Variants in TAS2R1 observed in about 807,000 individuals in gnomAD.
The protein encoded by TAS2R1 is taste receptor type 2 member 1.
For synonymous variants in TAS2R1, 141 were observed against 134.2 expected (o/e 1.05, Z -0.35); for missense variants, 370 against 353.4 (o/e 1.05, Z -0.38).
At chr5:9,878,217 G>A in the TAS2R1 span, among the ~76,000 whole-genome samples, 1 of 152,118 alleles carries the variant, frequency 6.6e-6, no homozygotes, top group African/African-American at 2.4e-5. Flanking sequence ...GGTTCATCTT[G>A]AACACCATCC....
At position 9,710,886 on chromosome 5, in the gene TAS2R1, C is replaced by G. The variant is rs1373884210; in HGVS notation, c.-242+1286G>C. ...TGGTCATTATATATATATGCATACA[C>G]ACACACACACATATATATATAACCA... is the stretch of plus-strand genomic sequence containing the variant. On this transcript the variant is annotated intron_variant, in intron 1 of 2. Coordinates refer to the TAS2R1 transcript ENST00000506620. 6.2e-5 allele frequency among the ~76,000 whole-genome samples: 6 copies of G among 96,328 alleles called. No individual in the cohort carries two copies. The East Asian group carries it at 1.6e-3, about 26-fold the overall frequency. The allele number at this position is 96,328 out of a possible 152,430, so 63.2% of individuals were successfully genotyped here.
At chr5:9,758,029 T>C in the TAS2R1 span, among the ~76,000 whole-genome samples, 1 of 152,148 alleles carries the variant, frequency 6.6e-6, no homozygotes, top group Non-Finnish European at 1.5e-5. Context: ...ATATTAATTA[T>C]GTGAACCTAG....
the TAS2R1 span, among the ~76,000 whole-genome samples, chr5:9,763,995 A>C: frequency 6.6e-6 from 1 of 152,264 alleles, no homozygotes; most frequent in Non-Finnish European, 1.5e-5. Context: ...AAAGGAGAAG[A>C]CACAAAAGAT....
At chr5:9,633,105 A>G (rs1283029662), upstream of TAS2R1, among the ~76,000 whole-genome samples, 1 of 151,680 alleles carries the variant, frequency 6.6e-6, no homozygotes, top group Non-Finnish European at 1.5e-5. Flanking sequence ...ATTGGCGGGC[A>G]TGAAAACAGC....
chr5:9,808,774 G>C, the TAS2R1 span, among the ~76,000 whole-genome samples: 1 of 152,148 alleles, frequency 6.6e-6, no homozygotes, highest in Non-Finnish European at 1.5e-5. Context: ...TTCACCACAG[G>C]CTTATGAGGT....
At chr5:9,742,246 A>G in the TAS2R1 span, among the ~76,000 whole-genome samples, 1 of 152,168 alleles carries the variant, frequency 6.6e-6, no homozygotes, top group African/African-American at 2.4e-5. Context: ...CTAACAGATG[A>G]TTTGCAAAGA....
At chr5:9,845,999 G>C in the TAS2R1 span, among the ~76,000 whole-genome samples, 1 of 152,184 alleles carries the variant, frequency 6.6e-6, no homozygotes, top group Non-Finnish European at 1.5e-5. Context: ...ATATTAGCAT[G>C]AGCTTGAAGG....
chr5:9,796,745 G>GAAAAAA, the TAS2R1 span, among the ~76,000 whole-genome samples: 1 of 107,452 alleles, frequency 9.3e-6, no homozygotes, highest in Non-Finnish European at 2.0e-5. Context: ...AAAAAGAAAA[G>GAAAAAA]AAAAAAAAAA....
At chr5:9,650,582 C>T (rs1161757174) in intron 2 of TAS2R1, among the ~76,000 whole-genome samples, 1 of 152,072 alleles carries the variant, frequency 6.6e-6, no homozygotes, top group African/African-American at 2.4e-5. Context: ...ATATGCTGTC[C>T]GTGAAGTCTG....
intron 1 of TAS2R1, among the ~76,000 whole-genome samples, chr5:9,690,263 T>A (rs772227298): frequency 4.6e-5 from 7 of 152,208 alleles, no homozygotes; most frequent in African/African-American, 1.7e-4. Flanking sequence ...CAAATGACTT[T>A]CCTGAAGATG....
intron 1 of TAS2R1, among the ~76,000 whole-genome samples, chr5:9,699,996 A>G (rs1416533254): frequency 6.6e-6 from 1 of 152,214 alleles, no homozygotes; most frequent in Non-Finnish European, 1.5e-5. Context: ...AAAGTATCCC[A>G]TAATTTATCA....
At chr5:9,884,799 T>A in the TAS2R1 span, among the ~76,000 whole-genome samples, 2 of 152,346 alleles carry the variant, frequency 1.3e-5, no homozygotes, top group Non-Finnish European at 2.9e-5. Context: ...AACTTTGACC[T>A]TTTTCTAGGA....
the TAS2R1 span, among the ~76,000 whole-genome samples, chr5:9,891,884 T>C: frequency 1.3e-5 from 2 of 152,178 alleles, no homozygotes; most frequent in Non-Finnish European, 2.9e-5. Flanking sequence ...TGACCCCTTC[T>C]GCAAATAAAA....
At chr5:9,749,419 C>G in the TAS2R1 span, among the ~76,000 whole-genome samples, 1 of 152,190 alleles carries the variant, frequency 6.6e-6, no homozygotes, top group African/African-American at 2.4e-5. Flanking sequence ...GTAGCTGATA[C>G]TGGACAAAAT....
the TAS2R1 span, among the ~76,000 whole-genome samples, chr5:9,718,621 TACAAA>T: frequency 1.5e-4 from 23 of 151,988 alleles, no homozygotes; most frequent in African/African-American, 5.6e-4. Context: ...CCCTCATCTC[TACAAA>T]ACAAAACAAA....
chr5:9,807,739 A>C, the TAS2R1 span, among the ~76,000 whole-genome samples: 1 of 152,168 alleles, frequency 6.6e-6, no homozygotes, highest in African/African-American at 2.4e-5. Context: ...CATAAGAATG[A>C]TACATTGGAC....
the TAS2R1 span, among the ~76,000 whole-genome samples, chr5:9,732,397 G>A: frequency 2.6e-5 from 4 of 152,278 alleles, no homozygotes; most frequent in Middle Eastern, 3.4e-3. Flanking sequence ...GGGGACTAAG[G>A]CAGAAGAATA....
intron 1 of TAS2R1, among the ~76,000 whole-genome samples, chr5:9,690,727 G>T (rs1741224761): frequency 6.6e-6 from 1 of 151,818 alleles, no homozygotes; most frequent in African/African-American, 2.4e-5. Context: ...AGCAGAAGAT[G>T]CTTGCTGTGC....
chr5:9,890,523 CT>C, the TAS2R1 span, among the ~76,000 whole-genome samples: 1 of 152,140 alleles, frequency 6.6e-6, no homozygotes, highest in African/African-American at 2.4e-5. Flanking sequence ...CATTGTAGGG[CT>C]CATGTTGCCA....
Sources: gnomAD v4.1 joint callset for allele counts (sites outside exome capture counted in the v4.1 genomes callset) on GRCh38, gnomAD v4.1.1 for gene constraint, MANE v1.5 for transcripts, NCBI Gene and HGNC (gene_info 2026-07-23, HGNC 2026-07-21) for gene names.